Variants in ADAM10 observed in about 807,000 individuals in gnomAD.
ADAM10 encodes ADAM metallopeptidase domain 10.
In ADAM10, 17 loss-of-function variants were observed where a neutral mutation model predicts 90.1. That is an observed-to-expected ratio of 0.19 (90% CI 0.13 to 0.28). The LOEUF is 0.28. ADAM10 is among the 10% of genes least tolerant of loss of function. The pLI, the probability that ADAM10 is intolerant of heterozygous loss-of-function variation, is 1.00. For synonymous variants in ADAM10, 310 were observed against 298.6 expected, an observed-to-expected ratio of 1.04 and a Z score of -0.40; for missense variants, 610 against 914.3, an observed-to-expected ratio of 0.67 and a Z score of 4.29.
intron 8 of ADAM10, among the ~76,000 whole-genome samples, chr15:58,640,140 CCAA>C (rs1896376537): frequency 6.6e-6 from 1 of 152,158 alleles, no homozygotes; most frequent in African/African-American, 2.4e-5. Flanking sequence ...TTGTCCCATC[CCAA>C]CATTATCAAT....
chr15:58,717,216 G>A (rs1309521095), intron 2 of ADAM10, among the ~76,000 whole-genome samples: 1 of 151,986 alleles, frequency 6.6e-6, no homozygotes, highest in African/African-American at 2.4e-5. Context: ...TGTATTCAAT[G>A]GCATATAAGT....
At chr15:58,640,237 G>C (rs957672919) in intron 8 of ADAM10, among the ~76,000 whole-genome samples, 1 of 152,136 alleles carries the variant, frequency 6.6e-6, no homozygotes. Flanking sequence ...GGTACCAGGG[G>C]CTTCCTGCCT....
At chr15:58,671,357 G>C (rs1897186011) in intron 4 of ADAM10, among the ~76,000 whole-genome samples, 1 of 152,128 alleles carries the variant, frequency 6.6e-6, no homozygotes, top group African/African-American at 2.4e-5. Context: ...TAATAAACCA[G>C]ATCTCACAAT....
intron 5 of ADAM10, among the ~76,000 whole-genome samples, chr15:58,664,093 C>T (rs1022628919): frequency 3.3e-5 from 5 of 152,006 alleles, no homozygotes; most frequent in African/African-American, 1.2e-4. Flanking sequence ...CTTTCTGTCT[C>T]CTTGGCCTTT....
chr15:58,696,491 T>A (rs1411325159), intron 2 of ADAM10, among the ~76,000 whole-genome samples: 1 of 147,852 alleles, frequency 6.8e-6, no homozygotes, highest in Admixed American at 6.8e-5. Context: ...CCAAGATGAG[T>A]CTCACTCTCT....
intron 2 of ADAM10, among the ~76,000 whole-genome samples, chr15:58,689,245 G>T (rs949445062): frequency 6.6e-6 from 1 of 152,146 alleles, no homozygotes; most frequent in Non-Finnish European, 1.5e-5. Flanking sequence ...TAGCACTTTG[G>T]GAGGCCAAGG....
At chr15:58,722,116 G>A (rs1405087005) in intron 1 of ADAM10, among the ~76,000 whole-genome samples, 2 of 150,898 alleles carry the variant, frequency 1.3e-5, no homozygotes, top group Non-Finnish European at 1.5e-5. Context: ...GAGGCGAGTG[G>A]ATCACCTGAG....
chr15:58,689,863 T>C (rs139119155), intron 2 of ADAM10, among the ~76,000 whole-genome samples: 1 of 145,370 alleles, frequency 6.9e-6, no homozygotes, highest in African/African-American at 2.6e-5. Flanking sequence ...TGATGTCCTA[T>C]AAAACTATTT....
intron 2 of ADAM10, among the ~76,000 whole-genome samples, chr15:58,687,362 A>G (rs1332101858): frequency 6.6e-6 from 1 of 152,242 alleles, no homozygotes; most frequent in Non-Finnish European, 1.5e-5. Flanking sequence ...AGAATTTCAT[A>G]TATTTAAAAA....
intron 1 of ADAM10, among the ~76,000 whole-genome samples, chr15:58,734,705 T>TAA: frequency 8.3e-6 from 1 of 120,248 alleles, no homozygotes; most frequent in Admixed American, 8.2e-5. Flanking sequence ...GTCTCAAAAT[T>TAA]AAAAAAAAAA....
intron 11 of ADAM10, among the ~76,000 whole-genome samples, chr15:58,618,395 C>A (rs1458640052): frequency 6.6e-6 from 1 of 152,012 alleles, no homozygotes; most frequent in African/African-American, 2.4e-5. Context: ...AAATTTAAGA[C>A]CTGAAACGAT....
rs1440688444 is a variant in ADAM10 at position 58,594,818 on chromosome 15, T to C, written c.*2729A>G. The C allele has an allele frequency of 6.6e-6, 1 of 152,156 alleles. No homozygotes were observed. The allele number at this position is 152,156 out of a possible 1,614,324, so 9.4% of individuals were successfully genotyped here. A position where few individuals can be genotyped will look rare whatever the true frequency, so the allele number is the denominator to read the frequency against. On this transcript the variant is annotated 3_prime_UTR_variant, in exon 16 of 16. Coordinates refer to ENST00000260408, the MANE Select transcript of ADAM10 (RefSeq NM_001110.4). ...ATAAATAACTAAACATAATATACAT[T>C]TGATGCTCCTAAATTAACAAAGTAA... is the stretch of plus-strand genomic sequence containing the variant.
chr15:58,647,593 G>A (rs1257980071), intron 5 of ADAM10, among the ~76,000 whole-genome samples: 1 of 152,104 alleles, frequency 6.6e-6, no homozygotes, highest in Admixed American at 6.5e-5. Context: ...CTGTTACCCA[G>A]GCTGGAGTGC....
intron 5 of ADAM10, among the ~76,000 whole-genome samples, chr15:58,647,310 G>C (rs968987455): frequency 7.7e-5 from 9 of 117,464 alleles, no homozygotes; most frequent in African/African-American, 2.9e-4. Context: ...GCCCAGGATG[G>C]AGTGCAGTGG....
At position 58,710,204 on chromosome 15, in the gene ADAM10, A is replaced by G. The variant is rs139582883; in HGVS notation, c.206+7373T>C. ...TGAGGCTGGAGAATCACTTAAACCC[A>G]GGAGGCAGAGGTTGCGTGAGCCAAG... On this transcript the variant is annotated intron_variant, in intron 2 of 15. Transcript: ENST00000260408. Among the ~76,000 whole-genome samples the G allele has an allele frequency of 1.0e-2, 1,519 of 152,266 alleles. 22 individuals carry two copies. Among genetic ancestry groups the G allele is most frequent in the African/African-American group, 0.035 (1,437 of 41,560 alleles).
chr15:58,686,429 G>C, intron 2 of ADAM10: 1 of 1,339,758 alleles, frequency 7.5e-7, no homozygotes, highest in Non-Finnish European at 1.0e-6. Context: ...TGGGGCTAGC[G>C]CGAGCGCCCT....
chr15:58,632,879 C>G (rs2140674549), intron 9 of ADAM10, among the ~76,000 whole-genome samples: 1 of 152,292 alleles, frequency 6.6e-6, no homozygotes, highest in East Asian at 1.9e-4. Context: ...TAATGATTCT[C>G]ATTCAAAAGA....
chr15:58,603,374 C>T (rs1262972424), intron 14 of ADAM10, among the ~76,000 whole-genome samples: 1 of 152,108 alleles, frequency 6.6e-6, no homozygotes, highest in Non-Finnish European at 1.5e-5. Context: ...CAGTAGAGCC[C>T]CTTCAGTTAC....
chr15:58,613,290 C>T (rs546935768), intron 11 of ADAM10, among the ~76,000 whole-genome samples: 1 of 152,306 alleles, frequency 6.6e-6, no homozygotes, highest in African/African-American at 2.4e-5. Flanking sequence ...TAAGACCTAG[C>T]TACAGGTGAG....
Sources: gnomAD v4.1 joint callset for allele counts (sites outside exome capture counted in the v4.1 genomes callset) on GRCh38, gnomAD v4.1.1 for gene constraint, MANE v1.5 for transcripts, NCBI Gene and HGNC (gene_info 2026-07-23, HGNC 2026-07-21) for gene names.